Variants in F13A1 observed in about 807,000 individuals in gnomAD.
The protein encoded by F13A1 is FSF, A subunit.
Under a neutral mutation model 80.1 loss-of-function variants are expected in F13A1, and 47 were observed. The observed-to-expected ratio is 0.59, with a 90% CI of 0.46 to 0.75. F13A1 has a LOEUF of 0.75. F13A1 is among the 30% of genes least tolerant of loss of function. The pLI, the probability that F13A1 is intolerant of heterozygous loss-of-function variation, is 0.00. For synonymous variants in F13A1, 349 were observed against 344.9 expected (o/e 1.01, Z -0.13); for missense variants, 817 against 930.4 (o/e 0.88, Z 1.59).
chr6:6,232,433 CA>C (rs1303369472), intron 6 of F13A1, among the ~76,000 whole-genome samples: 1 of 152,060 alleles, frequency 6.6e-6, no homozygotes, highest in African/African-American at 2.4e-5. Flanking sequence ...ACTGAACACT[CA>C]AGTTCCCAAA....
At chr6:6,164,196 C>A (rs958998299) in intron 13 of F13A1, among the ~76,000 whole-genome samples, 4 of 151,906 alleles carry the variant, frequency 2.6e-5, no homozygotes, top group African/African-American at 9.7e-5. Context: ...AAAAAAAAAG[C>A]CCATGGAGGC....
chr6:6,252,140 C>T (rs1280694309), intron 4 of F13A1, among the ~76,000 whole-genome samples: 1 of 152,072 alleles, frequency 6.6e-6, no homozygotes, highest in Non-Finnish European at 1.5e-5. Flanking sequence ...GAAAGTTCTA[C>T]ATAAAAAATG....
chr6:6,295,025 G>A (rs1294614692), intron 3 of F13A1, among the ~76,000 whole-genome samples: 1 of 146,164 alleles, frequency 6.8e-6, no homozygotes, highest in South Asian at 2.1e-4. Context: ...ATAGTTTACT[G>A]AGAATGATGA....
At chr6:6,178,927 A>C (rs1307673085) in intron 11 of F13A1, among the ~76,000 whole-genome samples, 14 of 152,232 alleles carry the variant, frequency 9.2e-5, no homozygotes, top group Admixed American at 9.2e-4. Context: ...CCTTGAGAAC[A>C]ACTTCAAGGA....
chr6:6,217,635 A>T (rs1266331056), intron 8 of F13A1, among the ~76,000 whole-genome samples: 1 of 152,174 alleles, frequency 6.6e-6, no homozygotes, highest in African/African-American at 2.4e-5. Flanking sequence ...ATATGTTACT[A>T]ACCTGCACGT....
chr6:6,299,110 A>C (rs1758379612), intron 3 of F13A1, among the ~76,000 whole-genome samples: 1 of 143,584 alleles, frequency 7.0e-6, no homozygotes, highest in Admixed American at 6.9e-5. Flanking sequence ...GTTTCTGCCG[A>C]GAGATCCGCT....
intron 12 of F13A1, among the ~76,000 whole-genome samples, chr6:6,170,597 C>T (rs1045391975): frequency 2.0e-5 from 3 of 152,188 alleles, no homozygotes; most frequent in African/African-American, 4.8e-5. Context: ...CTGGAGCTGC[C>T]TCATCTCTTT....
intron 6 of F13A1, among the ~76,000 whole-genome samples, chr6:6,231,083 AT>A (rs1296410500): frequency 2.0e-5 from 3 of 152,206 alleles, no homozygotes; most frequent in Non-Finnish European, 2.9e-5. Context: ...GAAATCCCTG[AT>A]TTACCTGAAA....
intron 11 of F13A1, among the ~76,000 whole-genome samples, chr6:6,180,407 T>C (rs1760958589): frequency 6.6e-6 from 1 of 151,978 alleles, no homozygotes; most frequent in African/African-American, 2.4e-5. Context: ...AAGGCAGGGC[T>C]GTACATGTAT....
intron 3 of F13A1, among the ~76,000 whole-genome samples, chr6:6,285,002 C>A (rs1364741789): frequency 6.6e-6 from 1 of 152,222 alleles, no homozygotes; most frequent in Non-Finnish European, 1.5e-5. Flanking sequence ...CTCACTCCAA[C>A]TACAGTAAGC....
chr6:6,176,196 C>T (rs1436607051), intron 11 of F13A1, among the ~76,000 whole-genome samples: 1 of 152,166 alleles, frequency 6.6e-6, no homozygotes, highest in African/African-American at 2.4e-5. Context: ...AGAATCCTAG[C>T]TTTTATAATT....
intron 4 of F13A1, among the ~76,000 whole-genome samples, chr6:6,265,196 A>T (rs1757827967): frequency 6.6e-6 from 1 of 152,252 alleles, no homozygotes; most frequent in South Asian, 2.1e-4. Context: ...ACTTATCTAT[A>T]TCTAGGACAG....
At chr6:6,313,410 TA>T (rs1561688736) in intron 2 of F13A1, among the ~76,000 whole-genome samples, 20 of 98,898 alleles carry the variant, frequency 2.0e-4, no homozygotes, top group Middle Eastern at 9.0e-3. Flanking sequence ...AATGGACTGT[TA>T]AAGAAAAGAA....
intron 14 of F13A1, among the ~76,000 whole-genome samples, chr6:6,149,156 G>C (rs1386181430): frequency 6.6e-6 from 1 of 152,106 alleles, no homozygotes; most frequent in Non-Finnish European, 1.5e-5. Context: ...GCATGATAAG[G>C]TAACTATGAT....
chr6:6,154,902 C>T (rs1392771275), intron 13 of F13A1, among the ~76,000 whole-genome samples: 1 of 152,192 alleles, frequency 6.6e-6, no homozygotes, highest in African/African-American at 2.4e-5. Context: ...GCTATGATCA[C>T]TATATTCTTT....
intron 8 of F13A1, among the ~76,000 whole-genome samples, chr6:6,219,690 T>C (rs1757163712): frequency 6.6e-6 from 1 of 152,186 alleles, no homozygotes; most frequent in Non-Finnish European, 1.5e-5. Context: ...AGCCATACTC[T>C]TGTTTTCCTG....
chr6:6,222,187 G>T lies in F13A1; in HGVS notation c.974-16C>A. On this transcript the variant is annotated splice_polypyrimidine_tract_variant and intron_variant, in intron 7 of 14. Transcript: ENST00000264870. ...CATCGTAAAACTACAGGAAAGGACA[G>T]ACCACAGCTAAACACATCACCAGCA... 2 of 1,613,828 alleles carry T rather than the reference G, an allele frequency of 1.2e-6. No individual in the cohort carries two copies. Among genetic ancestry groups the T allele is most frequent in the South Asian group, 2.2e-5 (2 of 91,034 alleles).
chr6:6,184,420 C>T (rs531369443), intron 10 of F13A1, among the ~76,000 whole-genome samples: 19 of 152,338 alleles, frequency 1.2e-4, no homozygotes, highest in Admixed American at 8.5e-4. Flanking sequence ...GGGTGATAAA[C>T]GGTGGCCCTG....
intron 6 of F13A1, among the ~76,000 whole-genome samples, chr6:6,229,042 C>T (rs886918797): frequency 1.2e-4 from 18 of 152,120 alleles, no homozygotes; most frequent in African/African-American, 4.3e-4. Flanking sequence ...TTGCAGAGTA[C>T]TGAAGAGTAG....
Sources: allele counts gnomAD v4.1 joint callset (sites outside exome capture counted in the v4.1 genomes callset), GRCh38; gene constraint gnomAD v4.1.1; transcripts MANE v1.5; gene names NCBI Gene and HGNC (gene_info 2026-07-23, HGNC 2026-07-21).